PEAK1: variants seen among roughly 807,000 people sequenced by gnomAD.
PEAK1 encodes the protein pseudopodium enriched atypical kinase 1.
PEAK1 carries 54 observed loss-of-function variants against 124.7 expected under a neutral mutation model. The ratio of observed to expected loss-of-function variants is 0.43; its 90% CI spans 0.35 to 0.54. The LOEUF (loss-of-function observed/expected upper bound fraction) is 0.54, where lower values mean the gene tolerates loss of function less well. PEAK1 is among the 20% of genes least tolerant of loss of function. The pLI, the probability that PEAK1 is intolerant of heterozygous loss-of-function variation, is 0.01. For synonymous variants in PEAK1, 719 were observed against 760.0 expected (o/e 0.95, Z 0.89); for missense variants, 2,046 against 2,134.5 (o/e 0.96, Z 0.82).
chr15:77,271,417 C>T (rs983244569), intron 5 of PEAK1, among the ~76,000 whole-genome samples: 2 of 152,070 alleles, frequency 1.3e-5, no homozygotes, highest in Non-Finnish European at 2.9e-5. Context: ...TTGACCCAGC[C>T]ATCCATTACT....
At chr15:77,135,784 G>C (rs977168176) in intron 8 of PEAK1, among the ~76,000 whole-genome samples, 1 of 152,150 alleles carries the variant, frequency 6.6e-6, no homozygotes, top group South Asian at 2.1e-4. Context: ...GATGTGACTT[G>C]CTCCTCCTTG....
intron 2 of PEAK1, among the ~76,000 whole-genome samples, chr15:77,329,686 C>G (rs988817567): frequency 2.0e-5 from 3 of 152,120 alleles, no homozygotes; most frequent in Admixed American, 2.0e-4. Flanking sequence ...TGGACATGAC[C>G]ATTCTGTTGA....
intron 6 of PEAK1, among the ~76,000 whole-genome samples, chr15:77,249,946 T>C (rs1221131466): frequency 6.6e-6 from 1 of 151,824 alleles, no homozygotes; most frequent in African/African-American, 2.4e-5. Flanking sequence ...ATTTCTGCAG[T>C]GTTTTAAAAG....
intron 9 of PEAK1, among the ~76,000 whole-genome samples, chr15:77,115,931 T>TGA (rs1404472057): frequency 6.6e-6 from 1 of 152,208 alleles, no homozygotes; most frequent in Admixed American, 6.5e-5. Context: ...CTGGTAGGGT[T>TGA]GAGAGAGTCA....
At chr15:77,374,686 T>A (rs1440863488) in intron 1 of PEAK1, among the ~76,000 whole-genome samples, 1 of 152,124 alleles carries the variant, frequency 6.6e-6, no homozygotes, top group African/African-American at 2.4e-5. Context: ...GGTAGAAAAA[T>A]TGTCTTTTAT....
intron 2 of PEAK1, chr15:77,337,721 C>T: frequency 3.0e-6 from 3 of 985,272 alleles, no homozygotes; most frequent in Non-Finnish European, 3.6e-6. Flanking sequence ...TATTATAGCA[C>T]AGTTATGAAC....
rs556428945 is a variant in PEAK1, at chr15:77,121,997, C to G, written c.4078-6678G>C. On this transcript the variant is annotated intron_variant, in intron 9 of 9. Coordinates refer to ENST00000682557, the MANE Select transcript of PEAK1 (RefSeq NM_001385026.1). ...ATCCAGTATTTGGTATAATCCCACTCTAAGAATACAGGCTGATCAGTGATT... is the reference window on the plus strand; with the variant it reads ...ATCCAGTATTTGGTATAATCCCACTGTAAGAATACAGGCTGATCAGTGATT... 6.4e-4 allele frequency among the ~76,000 whole-genome samples: 98 copies of G among 152,300 alleles called. 1 individual carries two copies. Among genetic ancestry groups the G allele is most frequent in the African/African-American group, 2.3e-3 (97 of 41,570 alleles).
In PEAK1 at chr15:77,203,549, G is replaced by C. The variant is rs115400828; in HGVS notation, c.-114-21509C>G. On this transcript the variant is annotated intron_variant, in intron 6 of 9. Transcript: ENST00000682557. ...CATACTATAAAGCTACAGTAATCAAGACAGTATGATACTGGCAAAAGAACA... is the reference window on the plus strand; with the variant it reads ...CATACTATAAAGCTACAGTAATCAACACAGTATGATACTGGCAAAAGAACA... Among the ~76,000 whole-genome samples the C allele has an allele frequency of 8.4e-3, 1,281 of 152,094 alleles. 20 individuals carry two copies. The highest frequency in any genetic ancestry group is 0.029 in the African/African-American group (1,204 of 41,480).
At chr15:77,315,443 G>A (rs1046620029) in intron 2 of PEAK1, among the ~76,000 whole-genome samples, 2 of 152,002 alleles carry the variant, frequency 1.3e-5, no homozygotes, top group South Asian at 2.1e-4. Flanking sequence ...ATTTCGAGTC[G>A]TGTGCTTTAT....
chr15:77,146,851 C>A (rs1458278894), intron 8 of PEAK1, among the ~76,000 whole-genome samples: 2 of 152,000 alleles, frequency 1.3e-5, no homozygotes, highest in African/African-American at 4.8e-5. Context: ...TTTTAAAAAG[C>A]TGGCATTTAT....
At position 77,132,878 on chromosome 15, in the gene PEAK1, A is replaced by C. The variant is rs563947279; in HGVS notation, c.4077+127T>G. Reference sequence around the variant, plus strand: ...CCCCTGCTTAATCTAGTATCTGGTAAGAGGTAGATGCTCAATAATTTGCTG... The same window carrying C: ...CCCCTGCTTAATCTAGTATCTGGTACGAGGTAGATGCTCAATAATTTGCTG... On this transcript the variant is annotated intron_variant, in intron 9 of 9. Coordinates refer to ENST00000682557, the MANE Select transcript of PEAK1 (RefSeq NM_001385026.1). 4 of 861,990 alleles carry C rather than the reference A, an allele frequency of 4.6e-6. No individual in the cohort carries two copies. In the African/African-American group the frequency reaches 6.8e-5, roughly 15 times the overall value. The allele number at this position is 861,990 out of a possible 1,614,324, so 53.4% of individuals were successfully genotyped here.
chr15:77,300,150 TAA>T (rs2063712133), intron 2 of PEAK1, among the ~76,000 whole-genome samples: 1 of 152,300 alleles, frequency 6.6e-6, no homozygotes, highest in South Asian at 2.1e-4. Flanking sequence ...GGCCCTGTCT[TAA>T]AACTTTTAGA....
chr15:77,323,612 C>T (rs969613188), intron 2 of PEAK1, among the ~76,000 whole-genome samples: 7 of 152,098 alleles, frequency 4.6e-5, no homozygotes, highest in Non-Finnish European at 8.8e-5. Flanking sequence ...AACTACAAAC[C>T]ACTGCTCAAT....
chr15:77,417,986 A>G, intron 1 of PEAK1: 1 of 969,672 alleles, frequency 1.0e-6, no homozygotes. Flanking sequence ...TTATATGAGT[A>G]CACGTATAAT....
At chr15:77,273,402 A>G (rs1259024231) in intron 5 of PEAK1, among the ~76,000 whole-genome samples, 1 of 152,182 alleles carries the variant, frequency 6.6e-6, no homozygotes, top group Non-Finnish European at 1.5e-5. Flanking sequence ...GAACTAGTAA[A>G]TGAATTCAGC....
intron 6 of PEAK1, among the ~76,000 whole-genome samples, chr15:77,241,242 GATCAT>G (rs2060344564): frequency 6.6e-6 from 1 of 151,962 alleles, no homozygotes; most frequent in Non-Finnish European, 1.5e-5. Context: ...AAATCCATAT[GATCAT>G]ATCAATTGAT....
At chr15:77,275,411 T>C (rs1226221633) in intron 5 of PEAK1, among the ~76,000 whole-genome samples, 2 of 152,172 alleles carry the variant, frequency 1.3e-5, no homozygotes, top group Admixed American at 6.6e-5. Context: ...GGTCCACTTA[T>C]ACACAGATTT....
chr15:77,166,771 C>G lies in PEAK1; in HGVS notation c.3138-8075G>C, dbSNP rs78918636. Among the ~76,000 whole-genome samples the G allele has an allele frequency of 9.9e-5, 15 of 152,248 alleles. No homozygotes were observed. The East Asian group carries it at 2.9e-3, about 29-fold the overall frequency. On this transcript the variant is annotated intron_variant, in intron 7 of 9. Transcript: ENST00000682557. ...TTAAGCAGTTACATTATTTGCTTCT[C>G]AGTTTCTAGATGAGAAAACTGGTAA...
chr15:77,260,894 C>G (rs2061405883), intron 5 of PEAK1, among the ~76,000 whole-genome samples: 1 of 152,198 alleles, frequency 6.6e-6, no homozygotes, highest in Non-Finnish European at 1.5e-5. Flanking sequence ...ACTGACACCT[C>G]ACATGGCCGG....
Sources: gnomAD v4.1 joint callset for allele counts (sites outside exome capture counted in the v4.1 genomes callset) on GRCh38, gnomAD v4.1.1 for gene constraint, MANE v1.5 for transcripts, NCBI Gene and HGNC (gene_info 2026-07-23, HGNC 2026-07-21) for gene names.